Variants in SGMS2 observed in about 807,000 individuals in gnomAD.
The protein encoded by SGMS2 is phosphatidylcholine:ceramide cholinephosphotransferase 2.
SGMS2 carries 21 observed loss-of-function variants against 43.8 expected under a neutral mutation model. That is an observed-to-expected ratio of 0.48 (90% CI 0.34 to 0.69). SGMS2 has a LOEUF of 0.69. SGMS2 is among the 30% of genes least tolerant of loss of function. SGMS2 has a pLI of 0.01. For synonymous variants in SGMS2, 167 were observed against 160.6 expected (o/e 1.04, Z -0.30); for missense variants, 384 against 443.2 (o/e 0.87, Z 1.20).
chr4:107,844,638 C>T (rs60193313), intron 1 of SGMS2, among the ~76,000 whole-genome samples: 5,303 of 152,158 alleles, frequency 0.035, 305 homozygotes, highest in African/African-American at 0.12. Flanking sequence ...CTCAGGAGGT[C>T]AAGGCTGCAG....
At chr4:107,894,696 G>T (rs1309728705) in intron 2 of SGMS2, among the ~76,000 whole-genome samples, 1 of 152,164 alleles carries the variant, frequency 6.6e-6, no homozygotes, top group African/African-American at 2.4e-5. Context: ...AGCTTTTCTT[G>T]TATATGGTGT....
At chr4:107,909,770 C>T (rs1308907217) in intron 6 of SGMS2, among the ~76,000 whole-genome samples, 1 of 152,158 alleles carries the variant, frequency 6.6e-6, no homozygotes, top group Non-Finnish European at 1.5e-5. Flanking sequence ...GCCATATTGT[C>T]AATTTGGAGA....
At chr4:107,835,177 C>T (rs1726103024) in intron 1 of SGMS2, among the ~76,000 whole-genome samples, 1 of 151,584 alleles carries the variant, frequency 6.6e-6, no homozygotes, top group Non-Finnish European at 1.5e-5. Context: ...TGGGAATTTT[C>T]TTGTGTCTTA....
At chr4:107,902,986 C>T (rs1578657623) in intron 4 of SGMS2, among the ~76,000 whole-genome samples, 1 of 151,776 alleles carries the variant, frequency 6.6e-6, no homozygotes, top group East Asian at 1.9e-4. Flanking sequence ...AAGCTTTGCC[C>T]AAGGACACAC....
intron 1 of SGMS2, among the ~76,000 whole-genome samples, chr4:107,827,079 A>G (rs533686687): frequency 1.3e-5 from 2 of 152,342 alleles, no homozygotes; most frequent in East Asian, 3.9e-4. Context: ...AACTATTAAA[A>G]TAGACAATGG....
chr4:107,872,437 A>T (rs1445795621), intron 2 of SGMS2, among the ~76,000 whole-genome samples: 1 of 152,164 alleles, frequency 6.6e-6, no homozygotes, highest in South Asian at 2.1e-4. Context: ...GAGGGAAGCG[A>T]CTTTTTAAAA....
At chr4:107,883,069 G>C (rs1362125858) in intron 2 of SGMS2, among the ~76,000 whole-genome samples, 1 of 151,874 alleles carries the variant, frequency 6.6e-6, no homozygotes, top group Non-Finnish European at 1.5e-5. Context: ...GCACCACAAG[G>C]CACACTTACA....
At chr4:107,851,841 A>C (rs1414018023) in intron 1 of SGMS2, among the ~76,000 whole-genome samples, 1 of 152,022 alleles carries the variant, frequency 6.6e-6, no homozygotes, top group Non-Finnish European at 1.5e-5. Context: ...ATTTTCCTTT[A>C]TTTTTATCAA....
intron 2 of SGMS2, among the ~76,000 whole-genome samples, chr4:107,860,687 G>C (rs181014494): frequency 1.0e-3 from 158 of 152,166 alleles, no homozygotes; most frequent in African/African-American, 3.7e-3. Flanking sequence ...ATTGCGCCTG[G>C]CTAATTTTTG....
chr4:107,830,580 T>G (rs1725837389), intron 1 of SGMS2, among the ~76,000 whole-genome samples: 1 of 152,180 alleles, frequency 6.6e-6, no homozygotes, highest in Non-Finnish European at 1.5e-5. Flanking sequence ...TTCTGACTAG[T>G]GTGAGATGGT....
intron 4 of SGMS2, 140 bp from the exon 5 acceptor site, chr4:107,903,093 C>T (rs1026612393): frequency 2.5e-5 from 19 of 765,530 alleles, no homozygotes; most frequent in Non-Finnish European, 3.5e-5. Context: ...GGAGCTTCTC[C>T]TTGGATTCTT....
rs757555347 is a variant in SGMS2, at chr4:107,903,369, ATTTG to A, written c.713_716del (p.Leu238SerfsTer15). 1.2e-6 allele frequency: 2 copies of A among 1,613,850 alleles called. No homozygotes were observed. The highest frequency in any genetic ancestry group is 8.5e-7 in the Non-Finnish European group (1 of 1,179,880). On this transcript the variant is annotated frameshift_variant, in exon 5 of 7. Transcript: ENST00000690982. LOFTEE classifies it high-confidence loss of function. ...CACACGGTTACGCTGACACTGACTT[ATTTG>A]TTCATCAAAGAATGTAAGTAATAGC...
chr4:107,864,841 C>T (rs567077014), intron 2 of SGMS2, among the ~76,000 whole-genome samples: 1 of 152,164 alleles, frequency 6.6e-6, no homozygotes, highest in Non-Finnish European at 1.5e-5. Flanking sequence ...GTTTTATATG[C>T]AGTCTTATGC....
At chr4:107,868,606 T>C (rs1237307742) in intron 2 of SGMS2, among the ~76,000 whole-genome samples, 3 of 151,944 alleles carry the variant, frequency 2.0e-5, no homozygotes, top group African/African-American at 7.3e-5. Flanking sequence ...TAATCCTAGC[T>C]ACTCGGGAGG....
intron 2 of SGMS2, chr4:107,893,437 C>T (rs528966508): frequency 9.8e-5 from 15 of 152,332 alleles, no homozygotes; most frequent in Admixed American, 3.3e-4. Flanking sequence ...TGTGTTAGTG[C>T]TTCGGACCTC....
At chr4:107,845,160 C>T (rs1313772543) in intron 1 of SGMS2, among the ~76,000 whole-genome samples, 1 of 152,134 alleles carries the variant, frequency 6.6e-6, no homozygotes, top group African/African-American at 2.4e-5. Context: ...ATAGAACTCC[C>T]TAGAGATGGA....
rs775909634 is a variant in SGMS2, at chr4:107,910,542, A to T, written c.1087A>T (p.Lys363Ter). The T allele has an allele frequency of 6.2e-7, 1 of 1,613,946 alleles. No homozygotes were observed. Among genetic ancestry groups the T allele is most frequent in the Middle Eastern group, 1.6e-4 (1 of 6,062 alleles). The change falls in exon 7 of 7, where the codon AAA becomes TAA. Residue 363 changes from lysine to a stop codon, truncating the protein, a stop_gained. Coordinates refer to ENST00000690982, the MANE Select transcript of SGMS2 (RefSeq NM_001375905.1). LOFTEE classifies it high-confidence loss of function. ...TCAGAAGATTGGTGAAGACAATGAG[A>T]AATCGACCTGAGGAGCAAAACAAAG... ...RVQKIGEDNEKST is the reference protein window; with the variant it reads ...RVQKIGEDNE
At chr4:107,829,250 T>C (rs1169132008) in intron 1 of SGMS2, among the ~76,000 whole-genome samples, 1 of 152,248 alleles carries the variant, frequency 6.6e-6, no homozygotes, top group Non-Finnish European at 1.5e-5. Context: ...TTATTTTTAT[T>C]ATAAATATAA....
intron 1 of SGMS2, among the ~76,000 whole-genome samples, chr4:107,845,529 T>C (rs572888138): frequency 2.4e-4 from 37 of 152,270 alleles, no homozygotes; most frequent in Admixed American, 2.2e-3. Context: ...AAATAAAGTA[T>C]AGGATAGCTG....
Sources: allele counts gnomAD v4.1 joint callset (sites outside exome capture counted in the v4.1 genomes callset), GRCh38; gene constraint gnomAD v4.1.1; transcripts MANE v1.5; gene names NCBI Gene and HGNC (gene_info 2026-07-23, HGNC 2026-07-21).